NEK10: variants seen among roughly 807,000 people sequenced by gnomAD.
NEK10 encodes NIMA related kinase 10, also known as serine/threonine-protein kinase Nek10.
Under a neutral mutation model 159.8 loss-of-function variants are expected in NEK10, and 122 were observed. The ratio of observed to expected loss-of-function variants is 0.76; its 90% CI spans 0.66 to 0.89. NEK10 has a LOEUF of 0.89. Ranked by LOEUF, NEK10 falls within the 40% of genes least tolerant of loss-of-function variation. The pLI, the probability that NEK10 is intolerant of heterozygous loss-of-function variation, is 0.00. For synonymous variants in NEK10, 466 were observed against 457.1 expected (o/e 1.02, Z -0.25); for missense variants, 1,342 against 1,323.1 (o/e 1.01, Z -0.22).
chr3:27,361,875 T>C (rs2048708429), intron 1 of NEK10, among the ~76,000 whole-genome samples: 1 of 146,132 alleles, frequency 6.8e-6, no homozygotes, highest in Non-Finnish European at 1.5e-5. Flanking sequence ...GCTCTGACTG[T>C]GCACAAGACC....
At chr3:27,213,675 C>T (rs1356802758) in intron 23 of NEK10, among the ~76,000 whole-genome samples, 2 of 152,262 alleles carry the variant, frequency 1.3e-5, no homozygotes, top group Non-Finnish European at 2.9e-5. Flanking sequence ...AATTCAGGCA[C>T]AGCTGATCAG....
chr3:27,323,008 A>C (rs2045758292), intron 5 of NEK10, among the ~76,000 whole-genome samples: 1 of 152,194 alleles, frequency 6.6e-6, no homozygotes, highest in Non-Finnish European at 1.5e-5. Flanking sequence ...TTTGGTGCTC[A>C]GTTTGGGAAA....
intron 23 of NEK10, among the ~76,000 whole-genome samples, chr3:27,245,353 T>C (rs925034967): frequency 1.3e-5 from 2 of 152,216 alleles, no homozygotes; most frequent in Admixed American, 6.5e-5. Context: ...TTCACACATT[T>C]GGGCTGGCTC....
chr3:27,158,404 G>A (rs752443110), intron 30 of NEK10, among the ~76,000 whole-genome samples: 6 of 152,138 alleles, frequency 3.9e-5, no homozygotes, highest in Non-Finnish European at 5.9e-5. Flanking sequence ...TAATTAACTT[G>A]AAAGTAAACT....
intron 5 of NEK10, among the ~76,000 whole-genome samples, chr3:27,328,855 T>C (rs183178420): frequency 8.5e-4 from 129 of 152,256 alleles, no homozygotes; most frequent in African/African-American, 3.0e-3. Context: ...AGACTAAAAC[T>C]GAGGCATTCT....
chr3:27,181,194 C>G (rs572379581), intron 26 of NEK10, among the ~76,000 whole-genome samples: 1 of 152,228 alleles, frequency 6.6e-6, no homozygotes, highest in South Asian at 2.1e-4. Flanking sequence ...TAACTTTTAA[C>G]TTTCTAAAAA....
chr3:27,264,645 G>A (rs112738073), intron 22 of NEK10, among the ~76,000 whole-genome samples: 1,765 of 152,088 alleles, frequency 0.012, 10 homozygotes, highest in South Asian at 0.021. Context: ...TAATCCCAGC[G>A]CTTTGGGAGG....
At chr3:27,225,040 G>A (rs1952484696) in intron 23 of NEK10, among the ~76,000 whole-genome samples, 1 of 152,216 alleles carries the variant, frequency 6.6e-6, no homozygotes, top group Non-Finnish European at 1.5e-5. Flanking sequence ...TTTATTAAGT[G>A]TTAACTTACA....
intron 23 of NEK10, among the ~76,000 whole-genome samples, chr3:27,244,272 A>C (rs1954843622): frequency 6.6e-6 from 1 of 152,216 alleles, no homozygotes; most frequent in African/African-American, 2.4e-5. Context: ...CAGAGAAATA[A>C]AACACCTATT....
At chr3:27,312,542 T>A (rs2044785104) in intron 7 of NEK10, among the ~76,000 whole-genome samples, 1 of 152,206 alleles carries the variant, frequency 6.6e-6, no homozygotes, top group Admixed American at 6.5e-5. Context: ...CAATGTATCT[T>A]TTTAGGAGAA....
chr3:27,314,321 CA>C lies in NEK10; in HGVS notation c.464del (p.Leu155TrpfsTer7). The C allele has an allele frequency of 6.2e-7, 1 of 1,601,792 alleles. No homozygotes were observed. The highest frequency in any genetic ancestry group is 8.5e-7 in the Non-Finnish European group (1 of 1,172,396). ...CCTGAGCTAGGTTTTCAATCCCACCCAAGCTATGGAGTATTTCCTAATAAAA... is the reference window on the plus strand; with the variant it reads ...CCTGAGCTAGGTTTTCAATCCCACCCAGCTATGGAGTATTTCCTAATAAAA... ...DPCYQEILHS[L>X]GGIENLAQYM... On this transcript the variant is annotated frameshift_variant, in exon 7 of 36. Transcript: ENST00000691995. LOFTEE classifies it high-confidence loss of function.
chr3:27,206,638 G>GTT (rs1950570161), intron 23 of NEK10: 4 of 985,276 alleles, frequency 4.1e-6, no homozygotes, highest in Non-Finnish European at 4.8e-6. Context: ...GTAACTCGCA[G>GTT]ACCTAATTTC....
At chr3:27,204,301 G>GTTTTTTTTTTTTTTTTTTTTTT (rs567092116) in intron 23 of NEK10, among the ~76,000 whole-genome samples, 2 of 66,378 alleles carry the variant, frequency 3.0e-5, no homozygotes, top group Admixed American at 2.0e-4. Flanking sequence ...TTTTGTTGTT[G>GTTTTTTTTTTTTTTTTTTTTTT]TTTTTTTTTT....
At chr3:27,367,506 A>G (rs915381728) in intron 1 of NEK10, 2 of 152,094 alleles carry the variant, frequency 1.3e-5, no homozygotes, top group East Asian at 1.9e-4. Context: ...CTTTTATAAC[A>G]TTTTTTCAAT....
chr3:27,291,371 A>G lies in NEK10; in HGVS notation c.1496T>C (p.Ile499Thr), dbSNP rs762530900. ...NLLVEDELKQ[I>T]AENIESINQN... Reference sequence around the variant, plus strand: ...ATTAATGCTTTCAATATTTTCAGCAATTTGCTTCAGTTCATCCTCCTAATC... The same window carrying G: ...ATTAATGCTTTCAATATTTTCAGCAGTTTGCTTCAGTTCATCCTCCTAATC... Residue 499 changes from isoleucine to threonine, a missense_variant, in exon 18 of 36, where the codon ATT (isoleucine) becomes ACT (threonine). By Grantham distance (89) the Ile-to-Thr change is moderately conservative. Transcript: ENST00000691995. The G allele has an allele frequency of 1.9e-6, 3 of 1,612,068 alleles. No individual in the cohort carries two copies. Among genetic ancestry groups the G allele is most frequent in the Middle Eastern group, 1.6e-4 (1 of 6,068 alleles).
intron 5 of NEK10, among the ~76,000 whole-genome samples, chr3:27,330,775 T>C (rs2046338224): frequency 1.3e-5 from 2 of 151,802 alleles, no homozygotes; most frequent in Middle Eastern, 3.4e-3. Flanking sequence ...GGATCAGAGG[T>C]GACAAAAAGA....
At chr3:27,282,164 A>G (rs1447445820) in intron 22 of NEK10, among the ~76,000 whole-genome samples, 1 of 152,210 alleles carries the variant, frequency 6.6e-6, no homozygotes, top group Non-Finnish European at 1.5e-5. Flanking sequence ...ATTCTCACCC[A>G]TTACAATAGA....
At chr3:27,325,648 C>T (rs977583585) in intron 5 of NEK10, among the ~76,000 whole-genome samples, 1 of 152,140 alleles carries the variant, frequency 6.6e-6, no homozygotes, top group African/African-American at 2.4e-5. Context: ...ACTCACACTC[C>T]ACCCCAAGCC....
At position 27,301,104 on chromosome 3, in the gene NEK10, C is replaced by T. The variant is rs642570; in HGVS notation, c.1168+592G>A. Among the ~76,000 whole-genome samples the T allele has an allele frequency of 3.9e-5, 6 of 152,060 alleles. No individual in the cohort carries two copies. The South Asian group carries it at 8.3e-4, about 21-fold the overall frequency. On this transcript the variant is annotated intron_variant, in intron 13 of 35. Coordinates refer to ENST00000691995, the MANE Select transcript of NEK10 (RefSeq NM_001394966.1). The stretch of plus-strand genomic sequence containing the variant: ...CCAAATTGGCCAATAGCACTCAGAC[C>T]GCACTGTAGCTCCAGTTGTCCCAAA...
Sources: allele counts gnomAD v4.1 joint callset (sites outside exome capture counted in the v4.1 genomes callset), GRCh38; gene constraint gnomAD v4.1.1; transcripts MANE v1.5; gene names NCBI Gene and HGNC (gene_info 2026-07-23, HGNC 2026-07-21).